The following DAB1 variants were observed in gnomAD, a reference collection of about 807,000 sequenced individuals.
DAB1 encodes the protein DAB adaptor protein 1, also known as disabled homolog 1.
A neutral mutation model predicts 64.6 loss-of-function variants in DAB1; 15 were observed. The ratio of observed to expected loss-of-function variants is 0.23; its 90% confidence interval spans 0.16 to 0.36. The LOEUF is 0.36. Among genes scored for constraint, DAB1 ranks in the 10% least tolerant of loss-of-function variants. The probability of loss-of-function intolerance (pLI) is 1.00; values close to 1 mark genes in which losing one functional copy is unlikely to be tolerated. For missense variants in DAB1, 596 were observed against 706.7 expected (o/e 0.84, Z 1.78); for synonymous variants, 235 against 251.9 (o/e 0.93, Z 0.64).
intron 6 of DAB1, among the ~76,000 whole-genome samples, chr1:57,727,726 C>CTCCTTCCTTCTCTCCTTCCTTCCTTCCT (rs1553123018): frequency 2.0e-4 from 27 of 137,124 alleles, no homozygotes; most frequent in African/African-American, 7.0e-4. Flanking sequence ...CCTTCCTTCT[C>CTCCTTCCTTCTCTCCTTCCTTCCTTCCT]TCCTTCCTTC....
chr1:57,697,416 C>T (rs563813522), intron 6 of DAB1, among the ~76,000 whole-genome samples: 8 of 100,994 alleles, frequency 7.9e-5, no homozygotes, highest in East Asian at 2.7e-4. Context: ...AATAAGCTCA[C>T]GTTTCTAAAA....
chr1:58,176,295 C>T (rs1656470931), intron 4 of DAB1, among the ~76,000 whole-genome samples: 1 of 152,034 alleles, frequency 6.6e-6, no homozygotes, highest in Non-Finnish European at 1.5e-5. Flanking sequence ...TAATTTAAGA[C>T]AATATTCACT....
At position 57,515,037 on chromosome 1, in the gene DAB1, C is replaced by T. The variant is rs569173662; in HGVS notation, n.625+134555G>A. On this transcript the variant is annotated intron_variant and non_coding_transcript_variant, in intron 7 of 20. Coordinates refer to the DAB1 transcript ENST00000485760. ...GCTGTAAAATTTTCCCGTGGAAGAA[C>T]GGAAACGAAGGTATATCTCTCTTTA... is the stretch of plus-strand genomic sequence containing the variant. 5.9e-5 allele frequency among the ~76,000 whole-genome samples: 9 copies of T among 151,852 alleles called. No individual in the cohort carries two copies. The East Asian group carries it at 7.7e-4, about 13-fold the overall frequency.
chr1:57,776,265 T>C (rs571729420), intron 6 of DAB1, among the ~76,000 whole-genome samples: 2 of 147,042 alleles, frequency 1.4e-5, no homozygotes, highest in East Asian at 4.1e-4. Flanking sequence ...GTGGTACCCA[T>C]AAATATAGTG....
intron 5 of DAB1, among the ~76,000 whole-genome samples, chr1:57,958,371 G>A (rs1021915809): frequency 1.3e-5 from 2 of 152,160 alleles, no homozygotes; most frequent in Non-Finnish European, 2.9e-5. Flanking sequence ...TATTCAACAA[G>A]TATTGCTTTA....
intron 6 of DAB1, among the ~76,000 whole-genome samples, chr1:57,732,616 G>A (rs1300914669): frequency 6.6e-6 from 1 of 152,194 alleles, no homozygotes; most frequent in Non-Finnish European, 1.5e-5. Flanking sequence ...GACAGTTGCT[G>A]GCTTTAAAAA....
chr1:58,457,268 A>G (rs780015791), intron 3 of DAB1, among the ~76,000 whole-genome samples: 5 of 152,234 alleles, frequency 3.3e-5, no homozygotes, highest in African/African-American at 1.2e-4. Flanking sequence ...GTTTTAGTCT[A>G]GAATATTGAT....
At chr1:58,386,010 A>G (rs12080582) in intron 3 of DAB1, among the ~76,000 whole-genome samples, 4,419 of 152,234 alleles carry the variant, frequency 0.029, 219 homozygotes, top group African/African-American at 0.1. Flanking sequence ...CACACCCAAA[A>G]AGCATGTTTT....
chr1:58,481,631 T>G (rs984620508), intron 3 of DAB1, among the ~76,000 whole-genome samples: 1 of 152,134 alleles, frequency 6.6e-6, no homozygotes, highest in African/African-American at 2.4e-5. Flanking sequence ...GATAATAACC[T>G]AGTGATATGG....
chr1:58,080,740 C>T (rs944064631), intron 5 of DAB1, among the ~76,000 whole-genome samples: 1 of 152,206 alleles, frequency 6.6e-6, no homozygotes, highest in African/African-American at 2.4e-5. Flanking sequence ...GATCAACGCT[C>T]TGCCATTTAT....
chr1:57,150,617 A>G (rs192618452), intron 2 of DAB1, among the ~76,000 whole-genome samples: 1 of 152,250 alleles, frequency 6.6e-6, no homozygotes, highest in Admixed American at 6.5e-5. Flanking sequence ...TTGTTAAGCA[A>G]TGTGTTTTCC....
In DAB1 at chr1:57,403,346, T is replaced by C. The variant is rs1422100157; in HGVS notation, c.-137+20584A>G. 2.6e-5 allele frequency among the ~76,000 whole-genome samples: 4 copies of C among 152,168 alleles called. No individual in the cohort carries two copies. In the South Asian group the frequency reaches 8.3e-4, roughly 31 times the overall value. On this transcript the variant is annotated intron_variant, in intron 1 of 14. Coordinates refer to ENST00000371236, the MANE Select transcript of DAB1 (RefSeq NM_001365792.1). ...TGCCACTGCTTGGGGAGAACCTACTTACTAACAAAGCCAGCACTGAGAAGG... is the reference window on the plus strand; with the variant it reads ...TGCCACTGCTTGGGGAGAACCTACTCACTAACAAAGCCAGCACTGAGAAGG...
chr1:57,168,740 T>C (rs1158109842), intron 2 of DAB1, among the ~76,000 whole-genome samples: 1 of 152,162 alleles, frequency 6.6e-6, no homozygotes, highest in African/African-American at 2.4e-5. Flanking sequence ...CTTTAGTTCA[T>C]ATTGAACAGT....
At position 58,118,567 on chromosome 1, in the gene DAB1, TATATATATATAC is replaced by T. The variant is rs1352125215; in HGVS notation, n.387+31932_387+31943del. On this transcript the variant is annotated intron_variant and non_coding_transcript_variant, in intron 5 of 20. Coordinates refer to the DAB1 transcript ENST00000485760. ...TATATATACATATATATAAAATACA[TATATATATATAC>T]ATATATATATAAAATACTATATATA... Among the ~76,000 whole-genome samples the T allele has an allele frequency of 8.8e-5, 5 of 56,510 alleles. No individual in the cohort carries two copies. The African/African-American group carries it at 1.0e-3, about 11-fold the overall frequency. The allele number at this position is 56,510 out of a possible 152,430, so 37.1% of individuals were successfully genotyped here. A position where few individuals can be genotyped will look rare whatever the true frequency, so the allele number is the denominator to read the frequency against.
intron 1 of DAB1, among the ~76,000 whole-genome samples, chr1:57,400,012 G>A (rs1406837499): frequency 2.6e-5 from 4 of 152,146 alleles, no homozygotes; most frequent in African/African-American, 7.2e-5. Context: ...CCTATGCCCA[G>A]CACTCATTGC....
At chr1:57,940,735 C>T (rs1038245559) in intron 5 of DAB1, among the ~76,000 whole-genome samples, 1 of 152,216 alleles carries the variant, frequency 6.6e-6, no homozygotes, top group Admixed American at 6.5e-5. Flanking sequence ...TGCACCTCTA[C>T]TGTTAAAACT....
intron 2 of DAB1, among the ~76,000 whole-genome samples, chr1:57,281,172 C>A (rs1184660858): frequency 1.3e-5 from 2 of 152,164 alleles, no homozygotes; most frequent in East Asian, 3.8e-4. Context: ...AAAACAGACA[C>A]AGTCCCTGTC....
chr1:57,351,128 T>C lies in DAB1; in HGVS notation c.-136-59962A>G, dbSNP rs192944934. ...TATCTGCAGTCTACAAATGAGAAAA[T>C]TGTGGTTCAAATCGTTGAGTCACTT... On this transcript the variant is annotated intron_variant, in intron 1 of 14. Coordinates refer to ENST00000371236, the MANE Select transcript of DAB1 (RefSeq NM_001365792.1). Among the ~76,000 whole-genome samples the C allele has an allele frequency of 1.9e-3, 290 of 152,240 alleles. 1 individual carries two copies. Among genetic ancestry groups the C allele is most frequent in the African/African-American group, 6.5e-3 (269 of 41,548 alleles).
At chr1:57,534,378 C>T (rs919385864) in intron 7 of DAB1, among the ~76,000 whole-genome samples, 4 of 152,182 alleles carry the variant, frequency 2.6e-5, no homozygotes, top group Admixed American at 2.6e-4. Context: ...AGCATGAAGT[C>T]ACTCTCAAGG....
Sources: gnomAD v4.1 joint callset for allele counts (sites outside exome capture counted in the v4.1 genomes callset) on GRCh38, gnomAD v4.1.1 for gene constraint, MANE v1.5 for transcripts, NCBI Gene and HGNC (gene_info 2026-07-23, HGNC 2026-07-21) for gene names.